WFS1: variants seen among roughly 807,000 people sequenced by gnomAD.
WFS1 encodes the protein wolframin.
WFS1 carries 90 observed loss-of-function variants against 68.5 expected under a neutral mutation model. The ratio of observed to expected loss-of-function variants is 1.31; its 90% CI spans 1.11 to 1.56. WFS1 has a LOEUF of 1.56. WFS1 is among the 40% of genes most tolerant of loss of function. The probability of loss-of-function intolerance (pLI) is 0.00; values close to 1 mark genes in which losing one functional copy is unlikely to be tolerated. For synonymous variants in WFS1, 860 were observed against 540.7 expected, an observed-to-expected ratio of 1.59 and a Z score of -8.19; for missense variants, 1,767 against 1,232.6, an observed-to-expected ratio of 1.43 and a Z score of -6.49.
At chr4:6,274,654 G>A (rs1333446317) in intron 1 of WFS1, among the ~76,000 whole-genome samples, 2 of 152,098 alleles carry the variant, frequency 1.3e-5, no homozygotes, top group African/African-American at 2.4e-5. Context: ...AGGAGGTATC[G>A]CTGGAGCTCT....
chr4:6,295,725 C>A (rs1308334217), intron 7 of WFS1, among the ~76,000 whole-genome samples: 1 of 152,196 alleles, frequency 6.6e-6, no homozygotes, highest in Non-Finnish European at 1.5e-5. Context: ...ATTGGGCACA[C>A]CTGGAGGACA....
At chr4:6,295,284 G>T in intron 7 of WFS1, 95 bp downstream of exon 7, 1 of 1,501,172 alleles carries the variant, frequency 6.7e-7, no homozygotes, top group East Asian at 2.3e-5. Context: ...AGGTGGGGAG[G>T]TTCGCGCCTA....
intron 7 of WFS1, among the ~76,000 whole-genome samples, chr4:6,297,345 G>A (rs748346343): frequency 1.3e-5 from 2 of 152,090 alleles, no homozygotes; most frequent in Non-Finnish European, 2.9e-5. Flanking sequence ...AACAAGGAGA[G>A]GTCTTCACTC....
rs1730939522 is a variant in WFS1, at chr4:6,301,870, A to G, written c.2075A>G (p.His692Arg). 6.2e-7 allele frequency: 1 copy of G among 1,612,896 alleles called. No individual in the cohort carries two copies. Among genetic ancestry groups the G allele is most frequent in the East Asian group, 2.2e-5 (1 of 44,858 alleles). ...GCGCGCACCCAGATCCTCTGCAGCC[A>G]CCTGGAGGGCCACAGGGTCACGTGG... ...NMARTQILCS[H>R]LEGHRVTWTG... The change falls in exon 8 of 8, where the codon CAC becomes CGC. Residue 692 changes from histidine (H) to arginine (R), a missense_variant. Physicochemically the swap from His to Arg is conservative, Grantham distance 29 (BLOSUM62 0). Coordinates refer to ENST00000226760, the MANE Select transcript of WFS1 (RefSeq NM_006005.3).
intron 2 of WFS1, among the ~76,000 whole-genome samples, chr4:6,281,235 G>C (rs1025736979): frequency 6.6e-6 from 1 of 152,136 alleles, no homozygotes; most frequent in Non-Finnish European, 1.5e-5. Context: ...CTGGGCGAGG[G>C]ACAAAGAAGG....
chr4:6,282,627 T>C (rs1730201116), intron 2 of WFS1, among the ~76,000 whole-genome samples: 1 of 152,218 alleles, frequency 6.6e-6, no homozygotes, highest in African/African-American at 2.4e-5. Context: ...ATCAGTAATA[T>C]GAAAGTGGAA....
At position 6,277,536 on chromosome 4, in the gene WFS1, C is replaced by A; in HGVS notation, c.81C>A (p.Leu27=). ...CGCAGCCCCAGGCGCGTTCCCGACT[C>A]AATGCCACAGCCTCGTTGGAGCAGG... ...PAPQPQARSR[L]NATASLEQER... is the part of the protein sequence containing the mutation. Residue 27 remains leucine, a synonymous_variant, in exon 2 of 8, where the codon CTC becomes CTA. Coordinates refer to ENST00000226760, the MANE Select transcript of WFS1 (RefSeq NM_006005.3). 1 of 1,589,032 alleles carries A rather than the reference C, an allele frequency of 6.3e-7. No homozygotes were observed. Among genetic ancestry groups the A allele is most frequent in the Non-Finnish European group, 8.6e-7 (1 of 1,168,432 alleles).
In WFS1 at chr4:6,300,986, C is replaced by G. The variant is rs201394228; in HGVS notation, c.1191C>G (p.Phe397Leu). Reference protein sequence around the residue: ...NLDVEQAEVNFGWNHLEPYAH... With the variant: ...NLDVEQAEVNLGWNHLEPYAH... Reference sequence around the variant, plus strand: ...ATGTGGAGCAGGCCGAGGTCAACTTCGGCTGGAACCACCTGGAGCCCTATG... The same window carrying G: ...ATGTGGAGCAGGCCGAGGTCAACTTGGGCTGGAACCACCTGGAGCCCTATG... Residue 397 changes from phenylalanine to leucine, a missense_variant, in exon 8 of 8, where the codon TTC (phenylalanine) becomes TTG (leucine). Transcript: ENST00000226760. 8 of 1,613,898 alleles carry G rather than the reference C, an allele frequency of 5.0e-6. No individual in the cohort carries two copies. Among genetic ancestry groups the G allele is most frequent in the Non-Finnish European group, 6.8e-6 (8 of 1,180,026 alleles).
At chr4:6,294,464 G>A (rs1030585024) in intron 6 of WFS1, among the ~76,000 whole-genome samples, 1 of 113,480 alleles carries the variant, frequency 8.8e-6, no homozygotes, top group Admixed American at 1.0e-4. Context: ...GCAGACACTT[G>A]TTGGATGGAG....
chr4:6,301,867 G>T lies in WFS1; in HGVS notation c.2072G>T (p.Ser691Ile), dbSNP rs1157038779. ...TNMARTQILC[S>I]HLEGHRVTWT... ...ATGGCGCGCACCCAGATCCTCTGCA[G>T]CCACCTGGAGGGCCACAGGGTCACG... Residue 691 changes from serine (S) to isoleucine (I), a missense_variant, in exon 8 of 8, where the codon AGC (serine) becomes ATC (isoleucine). Ser to Ile is a moderately radical substitution (Grantham distance 142). Transcript: ENST00000226760. The T allele has an allele frequency of 6.2e-7, 1 of 1,612,770 alleles. No individual in the cohort carries two copies. Among genetic ancestry groups the T allele is most frequent in the Non-Finnish European group, 8.5e-7 (1 of 1,179,816 alleles).
chr4:6,301,986 A>G lies in WFS1; in HGVS notation c.2191A>G (p.Met731Val), dbSNP rs144010362. ...NMLPFFIGDW[M>V]RCLYGEAYPA... ...GCTCCCGTTCTTCATCGGCGACTGG[A>G]TGCGCTGCCTCTACGGCGAGGCCTA... Residue 731 changes from methionine (M) to valine (V), a missense_variant, in exon 8 of 8, where the codon ATG (methionine) becomes GTG (valine). Physicochemically the swap from Met to Val is conservative, Grantham distance 21. Transcript: ENST00000226760. 84 of 1,612,616 alleles carry G rather than the reference A, an allele frequency of 5.2e-5. No homozygotes were observed. The highest frequency in any genetic ancestry group is 6.9e-5 in the Non-Finnish European group (81 of 1,179,944).
At chr4:6,294,872 C>A in intron 6 of WFS1, 169 bp from the exon 7 acceptor site, 1 of 1,085,252 alleles carries the variant, frequency 9.2e-7, no homozygotes, top group South Asian at 1.4e-5. Flanking sequence ...CCTCACCCAG[C>A]CTGGTCCTCA....
chr4:6,290,335 G>C (rs910679613), intron 4 of WFS1, among the ~76,000 whole-genome samples: 3 of 152,236 alleles, frequency 2.0e-5, no homozygotes, highest in African/African-American at 4.8e-5. Context: ...TTGTTAGCCA[G>C]AATTTCTCAC....
intron 7 of WFS1, among the ~76,000 whole-genome samples, chr4:6,299,385 G>A (rs1032940735): frequency 5.9e-5 from 9 of 151,786 alleles, no homozygotes; most frequent in African/African-American, 2.2e-4. Context: ...GCAGCCTTTG[G>A]CCTTGACTAT....
Position 6,301,218 on chromosome 4 carries a change from C to G in WFS1, c.1423C>G (p.Pro475Ala), listed in dbSNP as rs1419776217. 1.2e-6 allele frequency: 2 copies of G among 1,612,078 alleles called. No individual in the cohort carries two copies. Among genetic ancestry groups the G allele is most frequent in the Non-Finnish European group, 1.7e-6 (2 of 1,180,010 alleles). Reference sequence around the variant, plus strand: ...CCTGCTATCGCTGCTGCCCTCCATGCCCTTGAATTGGCCCTACCTGAAGGT... The same window carrying G: ...CCTGCTATCGCTGCTGCCCTCCATGGCCTTGAATTGGCCCTACCTGAAGGT... ...AGLLSLLPSM[P>A]LNWPYLKVLG... The change falls in exon 8 of 8, where the codon CCC (proline) becomes GCC (alanine). Residue 475 changes from proline (P) to alanine (A), a missense_variant. Pro to Ala is a conservative substitution (Grantham distance 27, BLOSUM62 -1). Transcript: ENST00000226760.
chr4:6,302,603 C>A lies in WFS1; in HGVS notation c.*135C>A. ...ACTGTGGCTGCAGAGACCTTGCGACCATGTGTAGATTGCGTGGACCCCGAC... is the reference window on the plus strand; with the variant it reads ...ACTGTGGCTGCAGAGACCTTGCGACAATGTGTAGATTGCGTGGACCCCGAC... On this transcript the variant is annotated 3_prime_UTR_variant, in exon 8 of 8. Transcript: ENST00000226760. 7.5e-7 allele frequency: 1 copy of A among 1,330,620 alleles called. No individual in the cohort carries two copies. Among genetic ancestry groups the A allele is most frequent in the Non-Finnish European group, 1.0e-6 (1 of 972,674 alleles). The allele number at this position is 1,330,620 out of a possible 1,614,324, so 82.4% of individuals were successfully genotyped here. A position where few individuals can be genotyped will look rare whatever the true frequency, so the allele number is the denominator to read the frequency against.
In WFS1 at chr4:6,302,075, G is replaced by A. The variant is rs762697987; in HGVS notation, c.2280G>A (p.Leu760=). The change falls in exon 8 of 8, where the codon CTG becomes CTA. Residue 760 remains leucine (L), a synonymous_variant. Transcript: ENST00000226760. ...AEEELCRLKL[L]AKHPCHIKKF... is the part of the protein sequence containing the mutation. ...AGGAGCTCTGTCGCCTTAAGCTGCT[G>A]GCCAAGCACCCCTGCCACATCAAGA... 8.7e-6 allele frequency: 14 copies of A among 1,612,874 alleles called. No individual in the cohort carries two copies. The South Asian group carries it at 1.3e-4, about 15-fold the overall frequency.
chr4:6,300,607 C>T (rs1296412073), intron 7 of WFS1, 50 bp from the exon 8 acceptor site: 19 of 1,612,254 alleles, frequency 1.2e-5, no homozygotes, highest in Non-Finnish European at 1.5e-5. Flanking sequence ...GAGATGGGAG[C>T]AGTGGGGGTC....
chr4:6,301,473 T>C lies in WFS1; in HGVS notation c.1678T>C (p.Ser560Pro). The C allele has an allele frequency of 1.2e-6, 2 of 1,612,998 alleles. No individual in the cohort carries two copies. The highest frequency in any genetic ancestry group is 1.7e-6 in the Non-Finnish European group (2 of 1,180,026). ...ESTGLGLLRASIGYFLFLFAL... is the reference protein window; with the variant it reads ...ESTGLGLLRAPIGYFLFLFAL... Reference sequence around the variant, plus strand: ...CACCGGCCTGGGGCTGCTCCGCGCCTCCATCGGCTACTTCCTCTTCCTCTT... The same window carrying C: ...CACCGGCCTGGGGCTGCTCCGCGCCCCCATCGGCTACTTCCTCTTCCTCTT... The change falls in exon 8 of 8, where the codon TCC becomes CCC. Residue 560 changes from serine to proline, a missense_variant. Coordinates refer to ENST00000226760, the MANE Select transcript of WFS1 (RefSeq NM_006005.3).
Sources: gnomAD v4.1 joint callset for allele counts (sites outside exome capture counted in the v4.1 genomes callset) on GRCh38, gnomAD v4.1.1 for gene constraint, MANE v1.5 for transcripts, NCBI Gene and HGNC (gene_info 2026-07-23, HGNC 2026-07-21) for gene names.